MEGF6: variants seen among roughly 807,000 people sequenced by gnomAD.
The protein encoded by MEGF6 is multiple epidermal growth factor-like domains protein 6.
In MEGF6, 184 loss-of-function variants were observed where a neutral mutation model predicts 207.1. The observed-to-expected ratio is 0.89, with a 90% CI of 0.79 to 1.00. The LOEUF (loss-of-function observed/expected upper bound fraction) is 1.00. Ranked by LOEUF, MEGF6 falls within the 50% of genes least tolerant of loss-of-function variation. MEGF6 has a pLI of 0.00. For synonymous variants in MEGF6, 1,038 were observed against 910.0 expected, an observed-to-expected ratio of 1.14 and a Z score of -2.53; for missense variants, 2,282 against 2,202.9, an observed-to-expected ratio of 1.04 and a Z score of -0.72.
rs374274993 is a variant in MEGF6, at chr1:3,602,557, G to A, written c.175C>T (p.Arg59Cys). Residue 59 changes from arginine to cysteine, a missense_variant, in exon 2 of 37, where the codon CGC (arginine) becomes TGC (cysteine). Physicochemically the swap from Arg to Cys is radical, Grantham distance 180. Transcript: ENST00000356575. ...AEQELTLVGR[R>C]QPCVQALSHT... ...CTTAAGGCCTGCACGCACGGCTGGC[G>A]GCGGCCCACCAGGGTCAGCTCCTGC... 1.9e-5 allele frequency: 30 copies of A among 1,612,186 alleles called. No homozygotes were observed. In the South Asian group the frequency reaches 2.1e-4, roughly 11 times the overall value.
chr1:3,530,363 C>T (rs1642108948), intron 4 of MEGF6, among the ~76,000 whole-genome samples: 1 of 152,214 alleles, frequency 6.6e-6, no homozygotes, highest in South Asian at 2.1e-4. Context: ...CCAGCCACTG[C>T]CTACCCCCGG....
chr1:3,504,184 G>A (rs72852481), intron 17 of MEGF6, among the ~76,000 whole-genome samples: 4,701 of 152,198 alleles, frequency 0.031, 221 homozygotes, highest in African/African-American at 0.11. Context: ...GCTCTCTCCA[G>A]CCCAGGCCAT....
chr1:3,545,920 C>T (rs1570106671), intron 4 of MEGF6, among the ~76,000 whole-genome samples: 1 of 152,070 alleles, frequency 6.6e-6, no homozygotes, highest in South Asian at 2.1e-4. Flanking sequence ...CCTCCCCTGA[C>T]CCCAAGTCCA....
intron 4 of MEGF6, among the ~76,000 whole-genome samples, chr1:3,555,615 A>C (rs1234705005): frequency 6.6e-6 from 1 of 152,192 alleles, no homozygotes; most frequent in East Asian, 1.9e-4. Flanking sequence ...TCATGGCTGC[A>C]AAGGGGGCCC....
chr1:3,498,966 G>A, intron 24 of MEGF6, 140 bp from the exon 25 acceptor site: 1 of 1,410,910 alleles, frequency 7.1e-7, no homozygotes, highest in Non-Finnish European at 9.5e-7. Flanking sequence ...TGCCAGCCCA[G>A]CCTCACTCCC....
At chr1:3,595,480 G>A (rs373006948) in intron 2 of MEGF6, 33 bp from the exon 3 acceptor site, 35 of 1,566,038 alleles carry the variant, frequency 2.2e-5, no homozygotes, top group African/African-American at 1.1e-4. Context: ...AGTGCTTACC[G>A]TCGCGGGACT....
intron 2 of MEGF6, among the ~76,000 whole-genome samples, chr1:3,598,848 C>A (rs1038060617): frequency 1.3e-5 from 2 of 152,166 alleles, no homozygotes; most frequent in Non-Finnish European, 2.9e-5. Context: ...GCCCCTCCCC[C>A]ACCCCTTCCT....
chr1:3,584,790 C>A (rs1165646721), intron 3 of MEGF6, among the ~76,000 whole-genome samples: 5 of 152,258 alleles, frequency 3.3e-5, no homozygotes, highest in Non-Finnish European at 7.3e-5. Flanking sequence ...CAGGGTAGGT[C>A]TCTGCCCGCA....
intron 21 of MEGF6, 52 bp downstream of exon 21, chr1:3,500,581 G>A (rs1389420194): frequency 3.3e-6 from 5 of 1,517,916 alleles, no homozygotes; most frequent in Non-Finnish European, 3.5e-6. Flanking sequence ...GTGCATATGT[G>A]TGCGTGTGCG....
At position 3,501,999 on chromosome 1, in the gene MEGF6, G is replaced by GGCGA. The variant is rs1188277733; in HGVS notation, c.2189-79_2189-78insTCGC. On this transcript the variant is annotated intron_variant, in intron 17 of 36. Coordinates refer to ENST00000356575, the MANE Select transcript of MEGF6 (RefSeq NM_001409.4). ...CAGAGCCTTTCCCCCAGGGGCTCCT[G>GGCGA]GTGAGTGTGCCCCCTGTGCCTCACA... 1.2e-4 allele frequency: 189 copies of GGCGA among 1,562,946 alleles called. 20 individuals carry two copies. The highest frequency in any genetic ancestry group is 5.5e-4 in the African/African-American group (39 of 71,508).
rs1052669283 is a variant in MEGF6 at position 3,509,244 on chromosome 1, G to A, written c.1359C>T (p.Pro453=). 8 of 1,485,812 alleles carry A rather than the reference G, an allele frequency of 5.4e-6. No homozygotes were observed. The African/African-American group carries it at 1.2e-4, about 21-fold the overall frequency. 92.0% of individuals were successfully genotyped at this position (1,485,812 alleles called of 1,614,324 possible). ...RLHEDRRGCS[P]LEEPMVDLDG... ...CCAGGTCCACCATCGGCTCCTCCAG[G>A]GCTGCCAGGGGCACAGAGGCGCCTT... Residue 453 remains proline (P), a splice_region_variant and synonymous_variant, in exon 12 of 37, where the codon CCC becomes CCT. Coordinates refer to ENST00000356575, the MANE Select transcript of MEGF6 (RefSeq NM_001409.4).
At chr1:3,527,372 G>T (rs2101288808) in intron 4 of MEGF6, among the ~76,000 whole-genome samples, 1 of 152,340 alleles carries the variant, frequency 6.6e-6, no homozygotes. Context: ...ACCCAGAGAT[G>T]ACACGAACAG....
intron 4 of MEGF6, among the ~76,000 whole-genome samples, chr1:3,548,969 C>T (rs1408645530): frequency 6.6e-6 from 1 of 152,192 alleles, no homozygotes; most frequent in Non-Finnish European, 1.5e-5. Flanking sequence ...TGGTCACCCT[C>T]ACTGAGGCTG....
intron 2 of MEGF6, among the ~76,000 whole-genome samples, chr1:3,597,129 C>A (rs543038147): frequency 1.3e-5 from 2 of 152,376 alleles, no homozygotes; most frequent in East Asian, 3.9e-4. Flanking sequence ...AGCTCCACTG[C>A]CACCAGGGAG....
Position 3,498,819 on chromosome 1 carries a change from A to G in MEGF6, c.3102T>C (p.Pro1034=). 6.4e-7 allele frequency: 1 copy of G among 1,552,580 alleles called. No individual in the cohort carries two copies. Among genetic ancestry groups the G allele is most frequent in the Non-Finnish European group, 8.7e-7 (1 of 1,148,430 alleles). The change falls in exon 25 of 37, where the codon CCT becomes CCC. Residue 1034 remains proline (P), a synonymous_variant. Coordinates refer to ENST00000356575, the MANE Select transcript of MEGF6 (RefSeq NM_001409.4). The part of the protein sequence containing the change: ...WMGPSCLQAC[P]AGLYGDNCRH... ...GACAGTTGTCGCCGTACAGGCCGGCAGGGCAGGCTGGGGCCAGGGAAGAGG... is the reference window on the plus strand; with the variant it reads ...GACAGTTGTCGCCGTACAGGCCGGCGGGGCAGGCTGGGGCCAGGGAAGAGG...
At chr1:3,504,799 T>C (rs2487686) in intron 17 of MEGF6, among the ~76,000 whole-genome samples, 32,310 of 152,070 alleles carry the variant, frequency 0.21, 4,056 homozygotes, top group African/African-American at 0.34. Flanking sequence ...GACCACTCTC[T>C]GAACCGCCAC....
chr1:3,501,523 C>T (rs560262340), intron 18 of MEGF6, among the ~76,000 whole-genome samples: 45 of 152,210 alleles, frequency 3.0e-4, no homozygotes, highest in African/African-American at 5.8e-4. Flanking sequence ...CCCCCGGCAC[C>T]GTTCAGCTGG....
In MEGF6 at chr1:3,556,803, G is replaced by A. The variant is rs1018165635; in HGVS notation, c.481+23022C>T. Among the ~76,000 whole-genome samples, 8 of 152,188 alleles carry A rather than the reference G, an allele frequency of 5.3e-5. No individual in the cohort carries two copies. The highest frequency in any genetic ancestry group is 2.0e-4 in the Admixed American group (3 of 15,276). Reference sequence around the variant, plus strand: ...TCACGTCCCTGTCCCAACCACACGCGCTCACAGACCGGAGAATGTTAAAAA... The same window carrying A: ...TCACGTCCCTGTCCCAACCACACGCACTCACAGACCGGAGAATGTTAAAAA... On this transcript the variant is annotated intron_variant, in intron 4 of 36. Coordinates refer to ENST00000356575, the MANE Select transcript of MEGF6 (RefSeq NM_001409.4). This position sits in a 1 kb window ranked among gnomAD's most constrained non-coding sequence, Gnocchi z 4.4.
intron 35 of MEGF6, among the ~76,000 whole-genome samples, chr1:3,491,811 C>G (rs1004228536): frequency 1.2e-4 from 18 of 149,940 alleles, no homozygotes; most frequent in Non-Finnish European, 2.4e-4. Flanking sequence ...TCTGGGCTGG[C>G]CAGAGGGGTG....
Sources: gnomAD v4.1 joint callset for allele counts (sites outside exome capture counted in the v4.1 genomes callset) on GRCh38, gnomAD v4.1.1 for gene constraint, Gnocchi (gnomAD v3.1) non-coding constraint, MANE v1.5 for transcripts, NCBI Gene and HGNC (gene_info 2026-07-23, HGNC 2026-07-21) for gene names.